The following ARHGEF11 variants were observed in gnomAD, a reference collection of about 807,000 sequenced individuals.
ARHGEF11 encodes Rho guanine nucleotide exchange factor 11, also known as Rho guanine exchange factor (GEF) 11.
In ARHGEF11, 55 loss-of-function variants were observed where a neutral mutation model predicts 193.7. The ratio of observed to expected loss-of-function variants is 0.28; its 90% confidence interval spans 0.23 to 0.36. The LOEUF (loss-of-function observed/expected upper bound fraction) is 0.36, where lower values mean the gene tolerates loss of function less well. Among genes scored for constraint, ARHGEF11 ranks in the 10% least tolerant of loss-of-function variants. The probability of loss-of-function intolerance (pLI) is 1.00; values close to 1 mark genes in which losing one functional copy is unlikely to be tolerated. For missense variants in ARHGEF11, 1,723 were observed against 2,005.6 expected (o/e 0.86, Z 2.69); for synonymous variants, 693 against 768.0 (o/e 0.90, Z 1.62).
At chr1:157,013,170 T>C (rs12065333) in intron 1 of ARHGEF11, among the ~76,000 whole-genome samples, 2,739 of 151,880 alleles carry the variant, frequency 0.018, 82 homozygotes, top group African/African-American at 0.063. Flanking sequence ...CTCTATTGTA[T>C]AGAAATCTGG....
intron 2 of ARHGEF11, 165 bp downstream of exon 2, chr1:156,985,917 C>T: frequency 1.8e-6 from 1 of 562,696 alleles, no homozygotes; most frequent in South Asian, 2.1e-5. Context: ...GGGAGGTCAT[C>T]ATATTGATGC....
intron 1 of ARHGEF11, among the ~76,000 whole-genome samples, chr1:156,994,831 A>T (rs1343988955): frequency 2.7e-5 from 4 of 148,040 alleles, no homozygotes; most frequent in African/African-American, 5.0e-5. Flanking sequence ...CCCAATAACA[A>T]ATGTAGGTAA....
chr1:156,944,116 G>A lies in ARHGEF11; in HGVS notation c.3068-14C>T, dbSNP rs777814960. ...GCACGTGGAGGTCTGGAGGGGTATG[G>A]TCATGGGAAGGTGTTCCCTGGTGCC... On this transcript the variant is annotated splice_polypyrimidine_tract_variant and intron_variant, in intron 31 of 40. Transcript: ENST00000368194. The A allele has an allele frequency of 1.2e-6, 2 of 1,611,026 alleles. No homozygotes were observed. Among genetic ancestry groups the A allele is most frequent in the Non-Finnish European group, 1.7e-6 (2 of 1,178,304 alleles).
At chr1:156,943,819 G>C in intron 32 of ARHGEF11, 116 bp downstream of exon 32, 1 of 1,306,558 alleles carries the variant, frequency 7.7e-7, no homozygotes, top group Non-Finnish European at 1.0e-6. Context: ...CAGGAGGAAA[G>C]GAACACAGGT....
chr1:156,955,668 G>C, intron 20 of ARHGEF11, 35 bp downstream of exon 20: 1 of 1,543,640 alleles, frequency 6.5e-7, no homozygotes. Context: ...CCCTGCCCAA[G>C]GAATGCCCAA....
chr1:157,035,506 A>G (rs1312405318), intron 1 of ARHGEF11, among the ~76,000 whole-genome samples: 2 of 151,770 alleles, frequency 1.3e-5, no homozygotes, highest in Non-Finnish European at 2.9e-5. Context: ...CCTGGGTTCA[A>G]GCCATTCTCC....
At position 156,996,973 on chromosome 1, in the gene ARHGEF11, C is replaced by T. The variant is rs138596445; in HGVS notation, c.33-10800G>A. The stretch of plus-strand genomic sequence containing the variant: ...AGTTCCTGGTCTTATCTGATCCTTC[C>T]GCCTCAGCCTCTCAAGTAGCTGGGA... On this transcript the variant is annotated intron_variant, in intron 1 of 40. Transcript: ENST00000368194. Among the ~76,000 whole-genome samples the T allele has an allele frequency of 9.0e-4, 135 of 150,156 alleles. 1 individual carries two copies. The East Asian group carries it at 0.018, about 21-fold the overall frequency.
intron 26 of ARHGEF11, 50 bp from the exon 27 acceptor site, chr1:156,947,065 C>G: frequency 6.3e-7 from 1 of 1,599,194 alleles, no homozygotes; most frequent in Non-Finnish European, 8.6e-7. Context: ...AGCTCAACTG[C>G]CAGAACCTTT....
chr1:156,936,513 T>C (rs1343405515), intron 40 of ARHGEF11, among the ~76,000 whole-genome samples: 1 of 126,860 alleles, frequency 7.9e-6, no homozygotes, highest in Non-Finnish European at 1.6e-5. Context: ...TATATATATA[T>C]ATATATATAT....
chr1:157,041,506 C>T (rs932516603), intron 1 of ARHGEF11, among the ~76,000 whole-genome samples: 1 of 152,212 alleles, frequency 6.6e-6, no homozygotes, highest in Non-Finnish European at 1.5e-5. Context: ...CAGCTACAAT[C>T]TCTTTCCAAA....
rs1673131024 is a variant in ARHGEF11, at chr1:157,044,440, A to G, written c.-110T>C. On this transcript the variant is annotated 5_prime_UTR_variant, in exon 1 of 41. Coordinates refer to ENST00000368194, the MANE Select transcript of ARHGEF11 (RefSeq NM_198236.3). ...GTGAGAGGAGGGCCTCCCAACTTGA[A>G]GATAGAATCCTTTCTCCTCCAGCTC... 1.0e-6 allele frequency: 1 copy of G among 980,294 alleles called. No homozygotes were observed. The highest frequency in any genetic ancestry group is 1.6e-6 in the Non-Finnish European group (1 of 608,694). 60.7% of individuals were successfully genotyped at this position (980,294 alleles called of 1,614,324 possible).
Position 156,937,612 on chromosome 1 carries a change from G to A in ARHGEF11, c.4193-116C>T, listed in dbSNP as rs1655756317. The A allele has an allele frequency of 1.1e-5, 12 of 1,136,888 alleles. No individual in the cohort carries two copies. The East Asian group carries it at 2.9e-4, about 28-fold the overall frequency. The allele number at this position is 1,136,888 out of a possible 1,614,324, so 70.4% of individuals were successfully genotyped here. On this transcript the variant is annotated intron_variant, in intron 38 of 40. Transcript: ENST00000368194. ...AGAGCAGGCCAGGCAGTCCTCTCCA[G>A]ACAAACTCAGAGAACGTGGGCCTTG...
At chr1:157,037,770 C>T (rs1315988763) in intron 1 of ARHGEF11, among the ~76,000 whole-genome samples, 1 of 152,086 alleles carries the variant, frequency 6.6e-6, no homozygotes, top group East Asian at 1.9e-4. Context: ...GTGGCTCATG[C>T]CTGTAATCCC....
intron 22 of ARHGEF11, chr1:156,949,018 G>A (rs946221968): frequency 5.1e-5 from 50 of 985,276 alleles, no homozygotes; most frequent in Non-Finnish European, 5.9e-5. Flanking sequence ...TATATTCACA[G>A]CTCATTTTAG....
At chr1:156,973,090 T>C (rs1490888132) in intron 7 of ARHGEF11, among the ~76,000 whole-genome samples, 1 of 152,164 alleles carries the variant, frequency 6.6e-6, no homozygotes, top group Admixed American at 6.5e-5. Flanking sequence ...GTTTTCTGAT[T>C]TTATTTTATT....
At position 156,948,279 on chromosome 1, in the gene ARHGEF11, C is replaced by A; in HGVS notation, c.2105+40G>T. On this transcript the variant is annotated intron_variant, in intron 23 of 40. Coordinates refer to ENST00000368194, the MANE Select transcript of ARHGEF11 (RefSeq NM_198236.3). This position sits in a 1 kb window ranked among gnomAD's most constrained non-coding sequence, Gnocchi z 4.2. ...CAACCCTCTATCCTTGCCGCCACCCCTGAGATGTCCATGGGTGCAGCCGTT... is the reference window on the plus strand; with the variant it reads ...CAACCCTCTATCCTTGCCGCCACCCATGAGATGTCCATGGGTGCAGCCGTT... 2 of 1,608,054 alleles carry A rather than the reference C, an allele frequency of 1.2e-6. No homozygotes were observed. The highest frequency in any genetic ancestry group is 1.7e-6 in the Non-Finnish European group (2 of 1,175,056).
chr1:157,044,626 A>C lies in ARHGEF11; in HGVS notation c.-296T>G. On this transcript the variant is annotated 5_prime_UTR_variant, in exon 1 of 41. Transcript: ENST00000368194. ...AACTACGACCTTCTCAGAAACCAAAAACCCAGCCACGAATCTCTTCAAGGT... is the reference window on the plus strand; with the variant it reads ...AACTACGACCTTCTCAGAAACCAAACACCCAGCCACGAATCTCTTCAAGGT... The C allele has an allele frequency of 2.0e-6, 1 of 489,652 alleles. No homozygotes were observed. Among genetic ancestry groups the C allele is most frequent in the Non-Finnish European group, 3.6e-6 (1 of 277,878 alleles). 30.3% of individuals were successfully genotyped at this position (489,652 alleles called of 1,614,324 possible).
At chr1:156,999,660 T>C (rs1374545900) in intron 1 of ARHGEF11, among the ~76,000 whole-genome samples, 4 of 152,096 alleles carry the variant, frequency 2.6e-5, no homozygotes, top group Non-Finnish European at 4.4e-5. Context: ...GATGAAAAAG[T>C]ATATTTTCAT....
intron 22 of ARHGEF11, 133 bp downstream of exon 22, chr1:156,951,440 G>C: frequency 8.3e-7 from 1 of 1,205,282 alleles, no homozygotes; most frequent in Non-Finnish European, 1.1e-6. Flanking sequence ...ACTGGGGGTG[G>C]GGAGGAAGTT....
Sources: gnomAD v4.1 joint callset for allele counts (sites outside exome capture counted in the v4.1 genomes callset) on GRCh38, gnomAD v4.1.1 for gene constraint, Gnocchi (gnomAD v3.1) non-coding constraint, MANE v1.5 for transcripts, NCBI Gene and HGNC (gene_info 2026-07-23, HGNC 2026-07-21) for gene names.